CFAP20DC: variants seen among roughly 807,000 people sequenced by gnomAD.
The protein encoded by CFAP20DC is protein CFAP20DC.
CFAP20DC carries 84 observed loss-of-function variants against 101.7 expected under a neutral mutation model. The ratio of observed to expected loss-of-function variants is 0.83; its 90% CI spans 0.69 to 0.99. The LOEUF (loss-of-function observed/expected upper bound fraction) is 0.99. CFAP20DC is among the 50% of genes least tolerant of loss of function. CFAP20DC has a pLI of 0.00. For synonymous variants in CFAP20DC, 359 were observed against 351.2 expected, an observed-to-expected ratio of 1.02 and a Z score of -0.25; for missense variants, 1,007 against 970.3, an observed-to-expected ratio of 1.04 and a Z score of -0.50.
At chr3:59,039,474 G>A in intron 4 of CFAP20DC, 83 bp downstream of exon 4, 1 of 770,218 alleles carries the variant, frequency 1.3e-6, no homozygotes, top group Admixed American at 2.9e-5. Context: ...ACTGTCACTT[G>A]CAATTAATGA....
At chr3:59,011,543 C>T (rs983664364) in intron 4 of CFAP20DC, among the ~76,000 whole-genome samples, 3 of 151,620 alleles carry the variant, frequency 2.0e-5, no homozygotes, top group Non-Finnish European at 4.4e-5. Flanking sequence ...CCAAACTCAG[C>T]GGAAGGAACT....
chr3:59,025,000 C>G (rs2093868622), intron 4 of CFAP20DC, among the ~76,000 whole-genome samples: 2 of 152,164 alleles, frequency 1.3e-5, no homozygotes. Flanking sequence ...TGAAGGCAAA[C>G]AGGGGCAGTG....
chr3:58,924,656 T>G lies in CFAP20DC; in HGVS notation c.394-10792A>C, dbSNP rs553785860. Among the ~76,000 whole-genome samples, 6 of 152,276 alleles carry G rather than the reference T, an allele frequency of 3.9e-5. No homozygotes were observed. In the South Asian group the frequency reaches 1.2e-3, roughly 32 times the overall value. On this transcript the variant is annotated intron_variant, in intron 5 of 16. Transcript: ENST00000482387. ...AGTTCTTTGAGAAATGTCCACAGTG[T>G]TTTCCATAGAGGTTGTGCTAATTTA...
At chr3:58,943,026 T>C (rs775902189) in intron 4 of CFAP20DC, among the ~76,000 whole-genome samples, 27 of 152,218 alleles carry the variant, frequency 1.8e-4, no homozygotes, top group Non-Finnish European at 2.9e-4. Flanking sequence ...CTTCTCTAGA[T>C]TCCTCCTCTC....
chr3:58,977,151 T>C (rs1005075427), intron 4 of CFAP20DC, among the ~76,000 whole-genome samples: 1 of 152,172 alleles, frequency 6.6e-6, no homozygotes, highest in Non-Finnish European at 1.5e-5. Context: ...TATAGGTTGT[T>C]TTGCTTGAAG....
chr3:58,941,327 C>CAAAAAAAAAAAAAAAAAAAAAAAAA (rs752324535), intron 4 of CFAP20DC, among the ~76,000 whole-genome samples: 1 of 19,510 alleles, frequency 5.1e-5, no homozygotes, highest in African/African-American at 1.8e-4. Flanking sequence ...GACTCCGTCT[C>CAAAAAAAAAAAAAAAAAAAAAAAAA]AAAAAAAAAA....
intron 14 of CFAP20DC, among the ~76,000 whole-genome samples, chr3:58,831,363 G>T (rs1001716135): frequency 6.6e-6 from 1 of 152,178 alleles, no homozygotes; most frequent in African/African-American, 2.4e-5. Context: ...TGAGCCTCTT[G>T]TATGTGCCAC....
At chr3:59,031,584 G>GA (rs1213467342) in intron 4 of CFAP20DC, among the ~76,000 whole-genome samples, 1 of 152,130 alleles carries the variant, frequency 6.6e-6, no homozygotes, top group Non-Finnish European at 1.5e-5. Flanking sequence ...CTATTTTAAA[G>GA]AAACCTAGTG....
At chr3:58,985,217 T>G (rs528696524) in intron 4 of CFAP20DC, among the ~76,000 whole-genome samples, 1 of 152,308 alleles carries the variant, frequency 6.6e-6, no homozygotes, top group African/African-American at 2.4e-5. Flanking sequence ...TGTGAGCCAC[T>G]GTGCTGGGCC....
intron 6 of CFAP20DC, among the ~76,000 whole-genome samples, chr3:58,908,240 A>G (rs552214566): frequency 1.3e-5 from 2 of 152,222 alleles, no homozygotes; most frequent in African/African-American, 2.4e-5. Context: ...TATTTCCATA[A>G]TTATACATAG....
chr3:58,917,400 G>T (rs138292757), intron 5 of CFAP20DC, among the ~76,000 whole-genome samples: 12 of 152,210 alleles, frequency 7.9e-5, no homozygotes, highest in Non-Finnish European at 1.6e-4. Context: ...AAGATCTCAA[G>T]AAATTAGTTA....
intron 14 of CFAP20DC, among the ~76,000 whole-genome samples, chr3:58,814,278 C>A (rs780351304): frequency 6.6e-6 from 1 of 151,900 alleles, no homozygotes; most frequent in Non-Finnish European, 1.5e-5. Flanking sequence ...GTTACAGAAT[C>A]CTATCTTGTT....
intron 3 of CFAP20DC, among the ~76,000 whole-genome samples, chr3:58,718,944 G>GA (rs926809665): frequency 1.4e-4 from 22 of 152,102 alleles, no homozygotes; most frequent in African/African-American, 4.8e-4. Context: ...CACAATTTTT[G>GA]AAAAAATGCT....
intron 16 of CFAP20DC, among the ~76,000 whole-genome samples, chr3:58,743,497 T>C (rs540231066): frequency 1.3e-5 from 2 of 152,110 alleles, no homozygotes; most frequent in South Asian, 2.1e-4. Flanking sequence ...CTCCCTTCAA[T>C]AGCACAGGCT....
chr3:58,881,144 G>A (rs1244824449), intron 7 of CFAP20DC, among the ~76,000 whole-genome samples: 3 of 151,952 alleles, frequency 2.0e-5, no homozygotes, highest in Non-Finnish European at 4.4e-5. Context: ...TTTTTTGCTC[G>A]ATGCATTAAT....
At chr3:58,803,236 C>A (rs951857689) in intron 15 of CFAP20DC, among the ~76,000 whole-genome samples, 1 of 152,170 alleles carries the variant, frequency 6.6e-6, no homozygotes. Flanking sequence ...CCCGTCTCTG[C>A]CATATTGGCA....
At chr3:58,758,177 ATGTT>A (rs1435665945) in intron 15 of CFAP20DC, among the ~76,000 whole-genome samples, 2 of 152,114 alleles carry the variant, frequency 1.3e-5, no homozygotes, top group African/African-American at 4.8e-5. Flanking sequence ...TACTTTATGT[ATGTT>A]TAATAATTTT....
intron 3 of CFAP20DC, among the ~76,000 whole-genome samples, chr3:59,045,157 C>T (rs564975845): frequency 6.6e-6 from 1 of 152,040 alleles, no homozygotes; most frequent in East Asian, 1.9e-4. Flanking sequence ...TAAAATAAAT[C>T]ATCTTTCACT....
intron 15 of CFAP20DC, among the ~76,000 whole-genome samples, chr3:58,758,680 C>T (rs920966442): frequency 2.0e-5 from 3 of 152,040 alleles, no homozygotes; most frequent in South Asian, 4.1e-4. Flanking sequence ...TAATGCTATC[C>T]CTCCCCCTTC....
Sources: allele counts gnomAD v4.1 joint callset (sites outside exome capture counted in the v4.1 genomes callset), GRCh38; gene constraint gnomAD v4.1.1; transcripts MANE v1.5; gene names NCBI Gene and HGNC (gene_info 2026-07-23, HGNC 2026-07-21).